Variants in MAF observed in about 807,000 individuals in gnomAD.
The protein encoded by MAF is transcription factor Maf.
In MAF, 10 loss-of-function variants were observed where a neutral mutation model predicts 22.0. The observed-to-expected ratio is 0.45, with a 90% CI of 0.28 to 0.77. The LOEUF is 0.77. Among genes scored for constraint, MAF ranks in the 30% least tolerant of loss-of-function variants. The pLI is 0.12. For synonymous variants in MAF, 337 were observed against 255.8 expected, an observed-to-expected ratio of 1.32 and a Z score of -3.03; for missense variants, 544 against 548.4, an observed-to-expected ratio of 0.99 and a Z score of 0.08.
At chr16:79,575,381 A>G in the MAF span, among the ~76,000 whole-genome samples, 1 of 152,170 alleles carries the variant, frequency 6.6e-6, no homozygotes, top group Admixed American at 6.5e-5. Context: ...ATCTTTTCTG[A>G]CAATTCCTAT....
At chr16:79,478,689 T>C in the MAF span, among the ~76,000 whole-genome samples, 1 of 152,166 alleles carries the variant, frequency 6.6e-6, no homozygotes, top group Non-Finnish European at 1.5e-5. Flanking sequence ...TGCATCTTTG[T>C]GTAGCATCCC....
At chr16:79,470,552 A>G in the MAF span, among the ~76,000 whole-genome samples, 209 of 152,284 alleles carry the variant, frequency 1.4e-3, 4 homozygotes, top group East Asian at 0.039. Context: ...TTACTAAACA[A>G]CAGCAGCCAA....
the MAF span, among the ~76,000 whole-genome samples, chr16:79,477,421 C>T: frequency 6.6e-6 from 1 of 152,146 alleles, no homozygotes; most frequent in African/African-American, 2.4e-5. Context: ...CCTCCACGAG[C>T]CTGGCTGTCT....
chr16:79,294,245 C>A, the MAF span, among the ~76,000 whole-genome samples: 1 of 152,214 alleles, frequency 6.6e-6, no homozygotes, highest in Admixed American at 6.5e-5. Flanking sequence ...TTCTTGATAT[C>A]CTTCCTCTTA....
chr16:79,455,244 G>C, the MAF span, among the ~76,000 whole-genome samples: 1 of 152,084 alleles, frequency 6.6e-6, no homozygotes, highest in Non-Finnish European at 1.5e-5. Context: ...TATATTCCAA[G>C]CTAATTTCAG....
chr16:79,505,410 G>A, the MAF span, among the ~76,000 whole-genome samples: 39 of 152,230 alleles, frequency 2.6e-4, 1 homozygote, highest in East Asian at 4.8e-3. Context: ...CCTCAGTCAC[G>A]GGACAGGGGG....
At chr16:79,512,237 G>A in the MAF span, among the ~76,000 whole-genome samples, 1 of 152,170 alleles carries the variant, frequency 6.6e-6, no homozygotes, top group Non-Finnish European at 1.5e-5. Context: ...CTTCAGTACA[G>A]GTGGGCCTCC....
the MAF span, among the ~76,000 whole-genome samples, chr16:79,431,853 G>C: frequency 1.3e-5 from 2 of 152,196 alleles, no homozygotes; most frequent in Non-Finnish European, 1.5e-5. Flanking sequence ...TGCTCAGCAG[G>C]ACTTTGTTTC....
chr16:79,514,573 G>T, the MAF span, among the ~76,000 whole-genome samples: 1 of 152,158 alleles, frequency 6.6e-6, no homozygotes, highest in African/African-American at 2.4e-5. Flanking sequence ...CACACCACCA[G>T]TTTCTTCCAG....
downstream of MAF, among the ~76,000 whole-genome samples, chr16:79,589,461 T>C (rs1913056348): frequency 6.6e-6 from 1 of 152,110 alleles, no homozygotes; most frequent in African/African-American, 2.4e-5. Flanking sequence ...TTTTTCCCTC[T>C]TACTCTGTCT....
At chr16:79,233,740 T>A in the MAF span, among the ~76,000 whole-genome samples, 1 of 152,000 alleles carries the variant, frequency 6.6e-6, no homozygotes, top group Non-Finnish European at 1.5e-5. Context: ...ATGCCTGTAA[T>A]CCCAGTATTT....
chr16:79,493,995 A>T, the MAF span, among the ~76,000 whole-genome samples: 1 of 151,710 alleles, frequency 6.6e-6, no homozygotes, highest in South Asian at 2.1e-4. Flanking sequence ...CCCACGATTT[A>T]TGATCCTTGG....
At chr16:79,212,383 C>G in the MAF span, 1 of 490,108 alleles carries the variant, frequency 2.0e-6, no homozygotes. Context: ...GCAGAACTAC[C>G]AGGTGGCAAA....
chr16:79,202,966 A>C, the MAF span: 1 of 152,174 alleles, frequency 6.6e-6, no homozygotes, highest in East Asian at 1.9e-4. Flanking sequence ...TTCTATGCTA[A>C]GGTGTTGCAT....
the MAF span, among the ~76,000 whole-genome samples, chr16:79,286,196 C>CT: frequency 6.6e-6 from 1 of 152,124 alleles, no homozygotes; most frequent in East Asian, 1.9e-4. Context: ...TTTTTAAATA[C>CT]TTTTTTGTTT....
chr16:79,500,688 T>A, the MAF span, among the ~76,000 whole-genome samples: 1 of 152,110 alleles, frequency 6.6e-6, no homozygotes, highest in East Asian at 1.9e-4. Context: ...ATTCTAGGAC[T>A]CGTCTCTGGG....
At chr16:79,546,232 C>T in the MAF span, among the ~76,000 whole-genome samples, 9 of 151,992 alleles carry the variant, frequency 5.9e-5, no homozygotes, top group Non-Finnish European at 1.0e-4. Context: ...TATAAAATAA[C>T]CCCAGTCATC....
chr16:79,360,681 T>A, the MAF span, among the ~76,000 whole-genome samples: 2 of 152,190 alleles, frequency 1.3e-5, no homozygotes, highest in African/African-American at 2.4e-5. Context: ...GAGGTCAGGG[T>A]AGGACAAGTT....
At chr16:79,538,860 GAAAAGAAAAGA>G in the MAF span, among the ~76,000 whole-genome samples, 12 of 30,604 alleles carry the variant, frequency 3.9e-4, no homozygotes, top group South Asian at 3.8e-3. Flanking sequence ...GAAAAGAAAA[GAAAAGAAAAGA>G]AAAGAAAGAA....
Sources: gnomAD v4.1 joint callset for allele counts (sites outside exome capture counted in the v4.1 genomes callset) on GRCh38, gnomAD v4.1.1 for gene constraint, MANE v1.5 for transcripts, NCBI Gene and HGNC (gene_info 2026-07-23, HGNC 2026-07-21) for gene names.